GPATCH1: variants seen among roughly 807,000 people sequenced by gnomAD.
The protein encoded by GPATCH1 is G patch domain-containing protein 1.
In GPATCH1, 73 loss-of-function variants were observed where a neutral mutation model predicts 114.9. That is an observed-to-expected ratio of 0.64 (90% CI 0.53 to 0.77). GPATCH1 has a LOEUF of 0.77. Ranked by LOEUF, GPATCH1 falls within the 30% of genes least tolerant of loss-of-function variation. The probability of loss-of-function intolerance (pLI) is 0.00; values close to 1 mark genes in which losing one functional copy is unlikely to be tolerated. For synonymous variants in GPATCH1, 391 were observed against 428.4 expected (o/e 0.91, Z 1.08); for missense variants, 1,058 against 1,144.3 (o/e 0.92, Z 1.09).
chr19:33,099,550 G>A (rs1972701114), intron 8 of GPATCH1, among the ~76,000 whole-genome samples: 1 of 151,414 alleles, frequency 6.6e-6, no homozygotes, highest in Non-Finnish European at 1.5e-5. Context: ...TTTCTATTCG[G>A]TGAATCTATC....
chr19:33,090,767 C>G lies in GPATCH1; in HGVS notation c.209-13C>G. ...CTCTAGGATTGTAAAGTTCTAAACTCTTTTTTTTTCAGGATGGACACCCTC... is the reference window on the plus strand; with the variant it reads ...CTCTAGGATTGTAAAGTTCTAAACTGTTTTTTTTTCAGGATGGACACCCTC... On this transcript the variant is annotated splice_polypyrimidine_tract_variant and intron_variant, in intron 2 of 19. Coordinates refer to ENST00000170564, the MANE Select transcript of GPATCH1 (RefSeq NM_018025.3). 1 of 1,534,952 alleles carries G rather than the reference C, an allele frequency of 6.5e-7. No homozygotes were observed. Among genetic ancestry groups the G allele is most frequent in the Non-Finnish European group, 9.0e-7 (1 of 1,113,002 alleles).
At chr19:33,117,099 G>A (rs1429132676) in intron 15 of GPATCH1, among the ~76,000 whole-genome samples, 1 of 152,038 alleles carries the variant, frequency 6.6e-6, no homozygotes, top group Non-Finnish European at 1.5e-5. Flanking sequence ...AAGGGGCTAC[G>A]GTTGGAGGAT....
intron 13 of GPATCH1, 27 bp downstream of exon 13, chr19:33,112,640 T>C: frequency 6.3e-7 from 1 of 1,584,074 alleles, no homozygotes; most frequent in Non-Finnish European, 8.6e-7. Flanking sequence ...TTTACATCAG[T>C]ACAAAATGTA....
chr19:33,118,928 TG>T, intron 16 of GPATCH1, 81 bp from the exon 17 acceptor site: 1 of 785,874 alleles, frequency 1.3e-6, no homozygotes, highest in Non-Finnish European at 2.1e-6. Flanking sequence ...ATATGTTATC[TG>T]GTGGCAAAAG....
At chr19:33,097,729 C>A in intron 7 of GPATCH1, 26 bp from the exon 8 acceptor site, 1 of 1,610,404 alleles carries the variant, frequency 6.2e-7, no homozygotes, top group South Asian at 1.1e-5. Flanking sequence ...CACCTGTGCT[C>A]AGTTTGAAAC....
At chr19:33,088,333 T>A in intron 2 of GPATCH1, 65 bp downstream of exon 2, 19 of 1,112,886 alleles carry the variant, frequency 1.7e-5, no homozygotes, top group Non-Finnish European at 2.2e-5. Context: ...TGATTCTCCC[T>A]CACCCTTGCT....
At chr19:33,124,997 A>T in intron 17 of GPATCH1, 108 bp from the exon 18 acceptor site, 1 of 1,169,448 alleles carries the variant, frequency 8.6e-7, no homozygotes, top group South Asian at 1.5e-5. Context: ...TCAGTGTTAA[A>T]CATTCCATCT....
intron 14 of GPATCH1, 58 bp from the exon 15 acceptor site, chr19:33,114,195 G>A: frequency 2.1e-6 from 3 of 1,431,422 alleles, no homozygotes; most frequent in Non-Finnish European, 2.9e-6. Flanking sequence ...GAGCAGTGGT[G>A]AAGAACTGGC....
At chr19:33,126,189 T>C (rs1288973807) in intron 18 of GPATCH1, among the ~76,000 whole-genome samples, 3 of 152,214 alleles carry the variant, frequency 2.0e-5, no homozygotes, top group Non-Finnish European at 2.9e-5. Flanking sequence ...AGTTTCTTCC[T>C]TGTGGTTTTC....
chr19:33,088,342 C>CTTT (rs879692801), intron 2 of GPATCH1, 74 bp downstream of exon 2: 9 of 871,614 alleles, frequency 1.0e-5, no homozygotes, highest in African/African-American at 1.9e-5. Flanking sequence ...CTCACCCTTG[C>CTTT]TTTTTTTTTT....
In GPATCH1 at chr19:33,101,578, A is replaced by G; in HGVS notation, c.1080+4A>G. 1 of 1,511,416 alleles carries G rather than the reference A, an allele frequency of 6.6e-7. No homozygotes were observed. 93.6% of individuals were successfully genotyped at this position (1,511,416 alleles called of 1,614,324 possible). On this transcript the variant is annotated splice_donor_region_variant and intron_variant, in intron 9 of 19. Coordinates refer to ENST00000170564, the MANE Select transcript of GPATCH1 (RefSeq NM_018025.3). ...TAAACCTTTATCTTCTAAGAAAGTA[A>G]GAAAAACTTTTTTTCTTTCTTTTTT...
intron 10 of GPATCH1, among the ~76,000 whole-genome samples, chr19:33,108,341 G>A (rs1012178361): frequency 1.1e-4 from 16 of 152,180 alleles, no homozygotes; most frequent in Middle Eastern, 6.8e-3. Flanking sequence ...GCCCCTGCCC[G>A]CCTTTCAGGC....
intron 17 of GPATCH1, among the ~76,000 whole-genome samples, chr19:33,119,673 A>G (rs113591164): frequency 0.12 from 17,005 of 146,584 alleles, 1,270 homozygotes; most frequent in Admixed American, 0.27. Context: ...ACTCCAGCCC[A>G]GGTGACTGAG....
chr19:33,097,603 G>A (rs1972676554), intron 7 of GPATCH1, 152 bp from the exon 8 acceptor site: 1 of 676,904 alleles, frequency 1.5e-6, no homozygotes, highest in Non-Finnish European at 2.5e-6. Context: ...TTGTGTGTGT[G>A]TTGGTCGATC....
At chr19:33,084,609 G>C (rs1283062909) in intron 1 of GPATCH1, among the ~76,000 whole-genome samples, 1 of 150,990 alleles carries the variant, frequency 6.6e-6, no homozygotes, top group African/African-American at 2.4e-5. Flanking sequence ...CTCATTCCTT[G>C]GCCTCCCGTT....
rs754387706 is a variant in GPATCH1, at chr19:33,106,811, A to T, written c.1197A>T (p.Gly399=). The T allele has an allele frequency of 1.0e-4, 163 of 1,613,924 alleles. No individual in the cohort carries two copies. The highest frequency in any genetic ancestry group is 1.3e-4 in the Non-Finnish European group (158 of 1,180,012). ...HLLQVLSESA[G]KATPDPGTHS... is the part of the protein sequence containing the mutation. ...TGCAGGTATTATCAGAGTCAGCTGG[A>T]AAGGCAACGCCTGACCCAGGGACAC... The change falls in exon 10 of 20, where the codon GGA becomes GGT. Residue 399 remains glycine (G), a synonymous_variant. Coordinates refer to ENST00000170564, the MANE Select transcript of GPATCH1 (RefSeq NM_018025.3).
intron 2 of GPATCH1, among the ~76,000 whole-genome samples, chr19:33,090,003 A>G (rs1406264383): frequency 1.3e-5 from 2 of 152,194 alleles, no homozygotes; most frequent in African/African-American, 2.4e-5. Context: ...TGGTGCACCT[A>G]CTGAGAGTAG....
intron 5 of GPATCH1, 142 bp downstream of exon 5, chr19:33,094,411 A>C (rs557783776): frequency 1.7e-6 from 1 of 592,374 alleles, no homozygotes; most frequent in Non-Finnish European, 3.0e-6. Flanking sequence ...CCCGGGCTCA[A>C]GTGATCCTTC....
rs1368566924 is a variant in GPATCH1 at position 33,091,520 on chromosome 19, A to G, written c.294+655A>G. Among the ~76,000 whole-genome samples the G allele has an allele frequency of 2.0e-5, 3 of 151,956 alleles. No homozygotes were observed. In the East Asian group the frequency reaches 5.8e-4, roughly 29 times the overall value. On this transcript the variant is annotated intron_variant, in intron 3 of 19. Transcript: ENST00000170564. ...CCACAGTAACTCTCAGGCACACTGC[A>G]GTAAAGAACTGTGAGTGACTGAACT...
Sources: gnomAD v4.1 joint callset for allele counts (sites outside exome capture counted in the v4.1 genomes callset) on GRCh38, gnomAD v4.1.1 for gene constraint, MANE v1.5 for transcripts, NCBI Gene and HGNC (gene_info 2026-07-23, HGNC 2026-07-21) for gene names.